The following NDUFAF7 variants were observed in gnomAD, a reference collection of about 807,000 sequenced individuals.
NDUFAF7 encodes protein arginine methyltransferase NDUFAF7, mitochondrial.
A neutral mutation model predicts 47.2 loss-of-function variants in NDUFAF7; 48 were observed. That is an observed-to-expected ratio of 1.02 (90% CI 0.81 to 1.29). The LOEUF is 1.29. Among genes scored for constraint, NDUFAF7 ranks in the 50% most tolerant of loss-of-function variants. The probability of loss-of-function intolerance (pLI) is 0.00; values close to 1 mark genes in which losing one functional copy is unlikely to be tolerated. For missense variants in NDUFAF7, 635 were observed against 537.6 expected (o/e 1.18, Z -1.79); for synonymous variants, 217 against 190.0 (o/e 1.14, Z -1.17).
At chr2:37,241,080 T>G (rs532937242) in intron 4 of NDUFAF7, among the ~76,000 whole-genome samples, 1 of 152,304 alleles carries the variant, frequency 6.6e-6, no homozygotes, top group South Asian at 2.1e-4. Context: ...CCTTGCATGT[T>G]TACAACAGTG....
chr2:37,261,404 T>C, the NDUFAF7 span, among the ~76,000 whole-genome samples: 2 of 151,798 alleles, frequency 1.3e-5, no homozygotes, highest in Non-Finnish European at 2.9e-5. Context: ...GGAGAATCAC[T>C]TGAACCTGGG....
downstream of NDUFAF7, among the ~76,000 whole-genome samples, chr2:37,256,300 G>A (rs1218669695): frequency 6.6e-6 from 1 of 152,208 alleles, no homozygotes; most frequent in Non-Finnish European, 1.5e-5. Context: ...TTAAAGAGAA[G>A]TGTTTGGGAG....
intron 4 of NDUFAF7, among the ~76,000 whole-genome samples, chr2:37,240,262 A>G (rs565492119): frequency 1.3e-5 from 2 of 152,236 alleles, no homozygotes; most frequent in South Asian, 2.1e-4. Context: ...AAAAAATACA[A>G]AAATTACCCA....
downstream of NDUFAF7, among the ~76,000 whole-genome samples, chr2:37,257,923 T>C (rs1239748698): frequency 6.6e-6 from 1 of 152,088 alleles, no homozygotes; most frequent in Non-Finnish European, 1.5e-5. Context: ...AACAGTTATA[T>C]GTAAAGGGAG....
At chr2:37,238,282 T>A (rs1666001898) in intron 4 of NDUFAF7, among the ~76,000 whole-genome samples, 1 of 151,680 alleles carries the variant, frequency 6.6e-6, no homozygotes, top group Non-Finnish European at 1.5e-5. Flanking sequence ...ATACAAAAAT[T>A]AGCTGGGCAT....
intron 4 of NDUFAF7, among the ~76,000 whole-genome samples, chr2:37,241,089 T>C (rs1666288236): frequency 6.6e-6 from 1 of 152,140 alleles, no homozygotes; most frequent in African/African-American, 2.4e-5. Context: ...TTTACAACAG[T>C]GAAAAAATGT....
chr2:37,258,600 A>C, the NDUFAF7 span, among the ~76,000 whole-genome samples: 743 of 152,290 alleles, frequency 4.9e-3, 2 homozygotes, highest in Middle Eastern at 0.024. Flanking sequence ...TTTGTCTACT[A>C]TTTTGAAGAT....
At chr2:37,234,074 C>G (rs1665489490) in intron 2 of NDUFAF7, among the ~76,000 whole-genome samples, 1 of 152,026 alleles carries the variant, frequency 6.6e-6, no homozygotes, top group South Asian at 2.1e-4. Context: ...GGGTCTTTGG[C>G]TTGATTATGG....
At chr2:37,234,467 A>C (rs1665536407) in intron 2 of NDUFAF7, among the ~76,000 whole-genome samples, 1 of 152,142 alleles carries the variant, frequency 6.6e-6, no homozygotes, top group South Asian at 2.1e-4. Flanking sequence ...CACATTTTTC[A>C]GTTATTTCTT....
At chr2:37,234,726 C>T (rs1394270370) in intron 2 of NDUFAF7, among the ~76,000 whole-genome samples, 1 of 152,016 alleles carries the variant, frequency 6.6e-6, no homozygotes. Flanking sequence ...GCTAAAAGGA[C>T]TCAGGGGAGT....
chr2:37,242,832 A>C, intron 6 of NDUFAF7, 139 bp downstream of exon 6: 1 of 636,878 alleles, frequency 1.6e-6, no homozygotes, highest in East Asian at 2.9e-5. Context: ...TTGGTACACA[A>C]ATAATTCAAA....
downstream of NDUFAF7, chr2:37,256,628 ATTTTTTTTTTTTTTTTT>A (rs56389006): frequency 5.9e-5 from 71 of 1,202,282 alleles, no homozygotes; most frequent in East Asian, 1.6e-4. Flanking sequence ...CATAGCCAAA[ATTTTTTTTTTTTTTTTT>A]TTTTTTTTTT....
intron 2 of NDUFAF7, 73 bp downstream of exon 2, chr2:37,232,339 C>G: frequency 6.3e-7 from 1 of 1,585,512 alleles, no homozygotes; most frequent in Non-Finnish European, 8.6e-7. Context: ...AGGGAGAAGC[C>G]CGAAGGTTCT....
chr2:37,258,072 A>T (rs2251879), downstream of NDUFAF7, among the ~76,000 whole-genome samples: 87,714 of 151,990 alleles, frequency 0.58, 25,676 homozygotes, highest in African/African-American at 0.66. Context: ...CATGCTGAAC[A>T]AGCAAATGCC....
Position 37,232,728 on chromosome 2 carries a change from G to A in NDUFAF7, c.216+462G>A, listed in dbSNP as rs1211474442. 2.0e-5 allele frequency among the ~76,000 whole-genome samples: 3 copies of A among 152,178 alleles called. No individual in the cohort carries two copies. The East Asian group carries it at 5.8e-4, about 29-fold the overall frequency. ...CGTCTGTGTTGGAATGGCTTCAGCT[G>A]GCATTGGAGACATGTGCTGGGTTTT... On this transcript the variant is annotated intron_variant, in intron 2 of 9. Transcript: ENST00000002125.
intron 8 of NDUFAF7, 63 bp from the exon 9 acceptor site, chr2:37,247,390 TATG>T (rs1667041821): frequency 2.6e-6 from 4 of 1,550,424 alleles, no homozygotes; most frequent in Non-Finnish European, 3.6e-6. Context: ...ATAACTTTAA[TATG>T]ATAGCATTTC....
chr2:37,238,596 A>T (rs147275884), intron 4 of NDUFAF7, among the ~76,000 whole-genome samples: 74 of 144,010 alleles, frequency 5.1e-4, no homozygotes, highest in Non-Finnish European at 4.5e-4. Flanking sequence ...TTTTATATTA[A>T]AAAAAAAAAA....
downstream of NDUFAF7, chr2:37,253,379 A>T: frequency 6.4e-7 from 1 of 1,554,736 alleles, no homozygotes; most frequent in Non-Finnish European, 8.8e-7. Context: ...GTAATGATGA[A>T]ACAAAAGAAA....
the NDUFAF7 span, among the ~76,000 whole-genome samples, chr2:37,270,324 A>G: frequency 6.6e-6 from 1 of 150,376 alleles, no homozygotes; most frequent in African/African-American, 2.5e-5. Context: ...TTTTACCTTT[A>G]AGGAGATTTG....
Sources: gnomAD v4.1 joint callset for allele counts (sites outside exome capture counted in the v4.1 genomes callset) on GRCh38, gnomAD v4.1.1 for gene constraint, MANE v1.5 for transcripts, NCBI Gene and HGNC (gene_info 2026-07-23, HGNC 2026-07-21) for gene names.